The following APBA1 variants were observed in gnomAD, a reference collection of about 807,000 sequenced individuals.
APBA1 encodes amyloid-beta A4 precursor protein-binding family A member 1.
APBA1 carries 55 observed loss-of-function variants against 86.6 expected under a neutral mutation model. The ratio of observed to expected loss-of-function variants is 0.64; its 90% CI spans 0.51 to 0.80. The LOEUF is 0.80. APBA1 is among the 30% of genes least tolerant of loss of function. The pLI is 0.00. For synonymous variants in APBA1, 511 were observed against 493.9 expected (o/e 1.03, Z -0.46); for missense variants, 1,090 against 1,183.0 (o/e 0.92, Z 1.15).
At chr9:69,599,469 C>T (rs533211934) in intron 1 of APBA1, among the ~76,000 whole-genome samples, 18 of 152,332 alleles carry the variant, frequency 1.2e-4, no homozygotes, top group African/African-American at 3.6e-4. Flanking sequence ...AAACCAATTT[C>T]AAATTGTTCG....
At chr9:69,573,680 G>A (rs1354274263) in intron 1 of APBA1, among the ~76,000 whole-genome samples, 3 of 152,110 alleles carry the variant, frequency 2.0e-5, no homozygotes, top group South Asian at 2.1e-4. Flanking sequence ...CCTGCAAAAC[G>A]GTATTCTTGC....
At chr9:69,660,362 C>G (rs745922444) in intron 1 of APBA1, among the ~76,000 whole-genome samples, 15 of 152,098 alleles carry the variant, frequency 9.9e-5, no homozygotes, top group Non-Finnish European at 8.8e-5. Flanking sequence ...AGCATATCAC[C>G]AAGGGCTGCT....
intron 4 of APBA1, among the ~76,000 whole-genome samples, 177 bp from the exon 5 acceptor site, chr9:69,468,145 A>G (rs1291471976): frequency 6.6e-6 from 1 of 152,234 alleles, no homozygotes; most frequent in African/African-American, 2.4e-5. Flanking sequence ...TTTCAAATAG[A>G]AGGCACAGTT....
At chr9:69,672,550 G>C (rs1306421136), upstream of APBA1, among the ~76,000 whole-genome samples, 1 of 147,438 alleles carries the variant, frequency 6.8e-6, no homozygotes, top group African/African-American at 2.4e-5. Context: ...CGCGGCCCGC[G>C]AGCCCGCGGC....
intron 2 of APBA1, among the ~76,000 whole-genome samples, chr9:69,493,848 G>A (rs971633162): frequency 2.6e-5 from 4 of 152,066 alleles, no homozygotes; most frequent in Admixed American, 6.5e-5. Context: ...TTGCACTTAC[G>A]CTTACTGGTT....
At chr9:69,487,764 C>A (rs914552) in intron 2 of APBA1, among the ~76,000 whole-genome samples, 2,690 of 152,062 alleles carry the variant, frequency 0.018, 41 homozygotes, top group Admixed American at 0.035. Context: ...TTACCAGAAG[C>A]AGCCCCTCCA....
At chr9:69,547,486 C>T (rs182755328) in intron 1 of APBA1, among the ~76,000 whole-genome samples, 2 of 152,266 alleles carry the variant, frequency 1.3e-5, no homozygotes, top group Non-Finnish European at 2.9e-5. Flanking sequence ...CACTGACCAC[C>T]CCTAGCTGCA....
intron 2 of APBA1, among the ~76,000 whole-genome samples, chr9:69,513,807 T>C (rs551662455): frequency 1.1e-4 from 16 of 152,326 alleles, no homozygotes; most frequent in Middle Eastern, 3.4e-3. Flanking sequence ...CCTGCGTAGC[T>C]CTTTATGTGT....
intron 2 of APBA1, among the ~76,000 whole-genome samples, chr9:69,496,096 G>C (rs1201803950): frequency 2.6e-5 from 4 of 152,042 alleles, no homozygotes; most frequent in Non-Finnish European, 5.9e-5. Flanking sequence ...ACCAGAGAAA[G>C]GTCAAGACAA....
chr9:69,431,485 GC>G (rs1289738922), intron 12 of APBA1, 87 bp from the exon 13 acceptor site: 2 of 1,185,816 alleles, frequency 1.7e-6, no homozygotes, highest in Non-Finnish European at 2.4e-6. Context: ...GAGAGGCAGT[GC>G]CTCTCCCACA....
chr9:69,447,471 T>C lies in APBA1; in HGVS notation c.2181+2113A>G, dbSNP rs1053676575. Reference sequence around the variant, plus strand: ...TGCTGTGGGGCTGTCCTGTGCATTGTAGGATGTTTGACAGTATCCCTGGCC... The same window carrying C: ...TGCTGTGGGGCTGTCCTGTGCATTGCAGGATGTTTGACAGTATCCCTGGCC... On this transcript the variant is annotated intron_variant, in intron 10 of 12. Transcript: ENST00000265381. Among the ~76,000 whole-genome samples the C allele has an allele frequency of 6.3e-4, 96 of 152,198 alleles. 1 individual carries two copies. The highest frequency in any genetic ancestry group is 2.2e-3 in the African/African-American group (93 of 41,460).
intron 1 of APBA1, among the ~76,000 whole-genome samples, chr9:69,640,625 A>G (rs1322524211): frequency 6.6e-6 from 1 of 152,066 alleles, no homozygotes; most frequent in Non-Finnish European, 1.5e-5. Context: ...TAGTATCCCT[A>G]TTTCTCAGAA....
intron 1 of APBA1, among the ~76,000 whole-genome samples, chr9:69,610,480 C>T (rs569514710): frequency 2.0e-4 from 31 of 152,148 alleles, no homozygotes; most frequent in Admixed American, 5.9e-4. Flanking sequence ...GTTCTGTATG[C>T]CTAGTTTAAT....
intron 1 of APBA1, among the ~76,000 whole-genome samples, chr9:69,637,895 A>G (rs1381841859): frequency 6.6e-6 from 1 of 152,262 alleles, no homozygotes; most frequent in Non-Finnish European, 1.5e-5. Context: ...AAGGCAGGAC[A>G]TATGAAATAG....
At chr9:69,651,929 T>C (rs981366014) in intron 1 of APBA1, among the ~76,000 whole-genome samples, 2 of 152,236 alleles carry the variant, frequency 1.3e-5, no homozygotes, top group African/African-American at 4.8e-5. Flanking sequence ...TGTGACTGCA[T>C]TTGAAGACAG....
intron 1 of APBA1, among the ~76,000 whole-genome samples, chr9:69,560,776 C>T (rs1836935410): frequency 6.6e-6 from 1 of 152,174 alleles, no homozygotes; most frequent in Non-Finnish European, 1.5e-5. Context: ...ATCTAAAATG[C>T]TCCAATGAGC....
intron 1 of APBA1, among the ~76,000 whole-genome samples, chr9:69,641,120 G>A (rs1823279601): frequency 1.3e-5 from 2 of 152,020 alleles, no homozygotes; most frequent in Non-Finnish European, 2.9e-5. Flanking sequence ...AAGGTCACAA[G>A]ATACAACGTC....
chr9:69,589,072 A>G (rs1822077386), intron 1 of APBA1, among the ~76,000 whole-genome samples: 1 of 152,126 alleles, frequency 6.6e-6, no homozygotes, highest in Admixed American at 6.5e-5. Flanking sequence ...CTTCCACCTC[A>G]GCCTCCTGAG....
At chr9:69,623,322 G>A (rs1822863379) in intron 1 of APBA1, among the ~76,000 whole-genome samples, 1 of 151,744 alleles carries the variant, frequency 6.6e-6, no homozygotes, top group South Asian at 2.1e-4. Flanking sequence ...CCCAAATGGT[G>A]CCTCCTCCAC....
Sources: gnomAD v4.1 joint callset for allele counts (sites outside exome capture counted in the v4.1 genomes callset) on GRCh38, gnomAD v4.1.1 for gene constraint, MANE v1.5 for transcripts, NCBI Gene and HGNC (gene_info 2026-07-23, HGNC 2026-07-21) for gene names.